The following OPCML variants were observed in gnomAD, a reference collection of about 807,000 sequenced individuals.
OPCML encodes opioid binding protein/cell adhesion molecule like, also known as opioid-binding protein/cell adhesion molecule.
In OPCML, 13 loss-of-function variants were observed where a neutral mutation model predicts 37.8. That is an observed-to-expected ratio of 0.34 (90% CI 0.22 to 0.55). OPCML has a LOEUF of 0.55. Ranked by LOEUF, OPCML falls within the 20% of genes least tolerant of loss-of-function variation. The pLI is 0.91. For synonymous variants in OPCML, 176 were observed against 168.8 expected, an observed-to-expected ratio of 1.04 and a Z score of -0.33; for missense variants, 341 against 435.6, an observed-to-expected ratio of 0.78 and a Z score of 1.93.
At chr11:133,338,517 G>A (rs1943792210) in intron 1 of OPCML, among the ~76,000 whole-genome samples, 1 of 152,198 alleles carries the variant, frequency 6.6e-6, no homozygotes, top group Admixed American at 6.5e-5. Context: ...AGGGCCAACA[G>A]CGAAACTGCC....
At chr11:132,452,183 T>C (rs1376009783) in intron 4 of OPCML, among the ~76,000 whole-genome samples, 1 of 152,208 alleles carries the variant, frequency 6.6e-6, no homozygotes, top group Non-Finnish European at 1.5e-5. Context: ...TCAGAGTTGT[T>C]AATGACTTTT....
At chr11:132,853,628 A>T (rs1941913991) in intron 2 of OPCML, among the ~76,000 whole-genome samples, 1 of 152,172 alleles carries the variant, frequency 6.6e-6, no homozygotes, top group Non-Finnish European at 1.5e-5. Context: ...CACAGCCTTA[A>T]GCCTCTAGTA....
intron 4 of OPCML, among the ~76,000 whole-genome samples, chr11:132,507,148 A>C (rs7119781): frequency 0.23 from 35,369 of 151,396 alleles, 4,223 homozygotes; most frequent in African/African-American, 0.28. Context: ...GAAGCAATTC[A>C]TATTAAAGCT....
rs1268059549 is a variant in OPCML, at chr11:132,520,898, C to T, written c.505+8163G>A. 2.0e-5 allele frequency among the ~76,000 whole-genome samples: 3 copies of T among 151,884 alleles called. No homozygotes were observed. The East Asian group carries it at 5.8e-4, about 29-fold the overall frequency. On this transcript the variant is annotated intron_variant, in intron 4 of 7. Transcript: ENST00000524381. ...AATCCTTTAGGTATATACCAAATACCATTACCCAGTAATGAGATTGCTGGG... is the reference window on the plus strand; with the variant it reads ...AATCCTTTAGGTATATACCAAATACTATTACCCAGTAATGAGATTGCTGGG...
chr11:133,025,443 T>C (rs1468859057), intron 1 of OPCML: 9 of 985,322 alleles, frequency 9.1e-6, no homozygotes, highest in Non-Finnish European at 1.1e-5. Context: ...GTAACTGTAT[T>C]GAAGAAATCC....
At chr11:132,757,431 T>A (rs1946093330) in intron 2 of OPCML, among the ~76,000 whole-genome samples, 1 of 152,180 alleles carries the variant, frequency 6.6e-6, no homozygotes, top group Non-Finnish European at 1.5e-5. Context: ...TGTAAAAGCG[T>A]TCCTATTTCT....
intron 1 of OPCML, among the ~76,000 whole-genome samples, chr11:132,952,135 A>G (rs970796721): frequency 7.2e-5 from 11 of 152,188 alleles, no homozygotes; most frequent in African/African-American, 2.7e-4. Context: ...TATTTGTATG[A>G]CAGAAACCAA....
chr11:132,893,505 A>C (rs532914581), intron 2 of OPCML, among the ~76,000 whole-genome samples: 2 of 152,214 alleles, frequency 1.3e-5, no homozygotes, highest in South Asian at 4.1e-4. Flanking sequence ...TCCTCCATCT[A>C]GTCTAGAGGT....
At chr11:132,646,240 T>A (rs1941143532) in intron 3 of OPCML, among the ~76,000 whole-genome samples, 1 of 152,134 alleles carries the variant, frequency 6.6e-6, no homozygotes. Context: ...AACTTACTCA[T>A]GTAACCAAAT....
intron 2 of OPCML, among the ~76,000 whole-genome samples, chr11:132,830,090 T>C (rs1940596748): frequency 6.6e-6 from 1 of 152,212 alleles, no homozygotes; most frequent in Non-Finnish European, 1.5e-5. Flanking sequence ...ATGGGATTAC[T>C]CTTTTCCCCC....
chr11:133,195,899 G>A (rs1938518772), intron 1 of OPCML, among the ~76,000 whole-genome samples: 1 of 152,158 alleles, frequency 6.6e-6, no homozygotes, highest in African/African-American at 2.4e-5. Flanking sequence ...GTCTTGAAAG[G>A]TAGCGCACTC....
intron 3 of OPCML, among the ~76,000 whole-genome samples, chr11:132,650,764 G>A (rs1353284413): frequency 1.3e-5 from 2 of 152,162 alleles, no homozygotes; most frequent in Non-Finnish European, 2.9e-5. Context: ...GCTGAGGAGT[G>A]AGCATTCTGC....
chr11:133,340,608 C>CTGTG lies in OPCML; in HGVS notation c.61+191652_61+191655dup, dbSNP rs5795838. On this transcript the variant is annotated intron_variant, in intron 1 of 7. Coordinates refer to ENST00000524381, the MANE Select transcript of OPCML (RefSeq NM_001012393.5). Reference sequence around the variant, plus strand: ...TCTAGCCCACAAATTAAGACTCTCTCTGTGTGTGTGTGTGTGTGTGTGTGT... The same window carrying CTGTG: ...TCTAGCCCACAAATTAAGACTCTCTCTGTGTGTGTGTGTGTGTGTGTGTGTGTGT... 3.3e-3 allele frequency among the ~76,000 whole-genome samples: 457 copies of CTGTG among 139,498 alleles called. 1 individual carries two copies. Among genetic ancestry groups the CTGTG allele is most frequent in the South Asian group, 0.01 (40 of 3,856 alleles). The allele number at this position is 139,498 out of a possible 152,430, so 91.5% of individuals were successfully genotyped here.
At chr11:132,899,859 C>G (rs573553439) in intron 2 of OPCML, among the ~76,000 whole-genome samples, 2 of 152,044 alleles carry the variant, frequency 1.3e-5, no homozygotes, top group Non-Finnish European at 2.9e-5. Context: ...TCTTCTCCTG[C>G]CCTTGGTCAG....
Position 133,317,872 on chromosome 11 carries a change from T to C in OPCML, c.61+214392A>G, listed in dbSNP as rs148117134. 6.3e-3 allele frequency among the ~76,000 whole-genome samples: 960 copies of C among 152,354 alleles called. 16 individuals carry two copies. Among genetic ancestry groups the C allele is most frequent in the African/African-American group, 0.022 (923 of 41,582 alleles). ...GCCTCAAATTGTAAGCTCATGGTGA[T>C]AGACAGTTCTACAAAGCTTTTTGCT... On this transcript the variant is annotated intron_variant, in intron 1 of 7. Coordinates refer to ENST00000524381, the MANE Select transcript of OPCML (RefSeq NM_001012393.5).
chr11:133,311,647 C>G (rs181252158), intron 1 of OPCML, among the ~76,000 whole-genome samples: 1 of 152,100 alleles, frequency 6.6e-6, no homozygotes, highest in East Asian at 1.9e-4. Flanking sequence ...ATTTGGGAAG[C>G]TAAGATGGAA....
intron 2 of OPCML, among the ~76,000 whole-genome samples, chr11:132,707,575 T>G: frequency 6.6e-6 from 1 of 152,208 alleles, no homozygotes. Flanking sequence ...CATTATTACA[T>G]TATCCAGGCA....
intron 1 of OPCML, among the ~76,000 whole-genome samples, chr11:133,175,247 A>G (rs1285201998): frequency 6.6e-6 from 1 of 152,206 alleles, no homozygotes; most frequent in Non-Finnish European, 1.5e-5. Context: ...AGCTCAATTC[A>G]GATGGAAGAG....
At chr11:133,229,154 T>G (rs1940166869) in intron 1 of OPCML, among the ~76,000 whole-genome samples, 1 of 152,210 alleles carries the variant, frequency 6.6e-6, no homozygotes, top group Non-Finnish European at 1.5e-5. Flanking sequence ...GCTTTTCTTT[T>G]GTTAAAAGCT....
Sources: gnomAD v4.1 joint callset for allele counts (sites outside exome capture counted in the v4.1 genomes callset) on GRCh38, gnomAD v4.1.1 for gene constraint, MANE v1.5 for transcripts, NCBI Gene and HGNC (gene_info 2026-07-23, HGNC 2026-07-21) for gene names.